The following ARHGAP24 variants were observed in gnomAD, a reference collection of about 807,000 sequenced individuals.
ARHGAP24 encodes the protein rho GTPase-activating protein 24.
In ARHGAP24, 50 loss-of-function variants were observed where a neutral mutation model predicts 76.4. The observed-to-expected ratio is 0.65, with a 90% confidence interval of 0.52 to 0.83. ARHGAP24 has a LOEUF of 0.83. Ranked by LOEUF, ARHGAP24 falls within the 40% of genes least tolerant of loss-of-function variation. The pLI is 0.00. For missense variants in ARHGAP24, 930 were observed against 914.2 expected (o/e 1.02, Z -0.22); for synonymous variants, 345 against 323.3 (o/e 1.07, Z -0.72).
chr4:85,728,007 A>AT (rs1369551209), intron 3 of ARHGAP24, among the ~76,000 whole-genome samples: 1 of 151,520 alleles, frequency 6.6e-6, no homozygotes, highest in Non-Finnish European at 1.5e-5. Flanking sequence ...TGGAAACAAA[A>AT]TTAGGCCTTC....
intron 3 of ARHGAP24, among the ~76,000 whole-genome samples, chr4:85,745,131 G>A (rs1725976902): frequency 6.6e-6 from 1 of 151,888 alleles, no homozygotes; most frequent in South Asian, 2.1e-4. Flanking sequence ...ACGTGAAAAG[G>A]AGAGAAGCTT....
chr4:85,516,989 A>G (rs1288197719), intron 1 of ARHGAP24, among the ~76,000 whole-genome samples: 1 of 152,192 alleles, frequency 6.6e-6, no homozygotes, highest in South Asian at 2.1e-4. Context: ...GTTTTTCCTA[A>G]TAGCTTTCCA....
chr4:85,895,677 C>G (rs7692989), intron 3 of ARHGAP24, among the ~76,000 whole-genome samples: 2 of 151,836 alleles, frequency 1.3e-5, no homozygotes, highest in South Asian at 4.2e-4. Context: ...TTTCTGTACC[C>G]TTTTTGAAAT....
chr4:85,930,087 G>C (rs1736241280), intron 4 of ARHGAP24, among the ~76,000 whole-genome samples: 1 of 152,176 alleles, frequency 6.6e-6, no homozygotes, highest in South Asian at 2.1e-4. Flanking sequence ...ACTGGAAGCA[G>C]CCGCAGCCAC....
intron 4 of ARHGAP24, among the ~76,000 whole-genome samples, chr4:85,936,137 G>A (rs913253659): frequency 2.3e-4 from 35 of 152,118 alleles, no homozygotes; most frequent in African/African-American, 7.5e-4. Context: ...GATTTATCCT[G>A]CTAGCAGAGT....
chr4:85,698,072 AG>A (rs1560590652), intron 2 of ARHGAP24, among the ~76,000 whole-genome samples: 1 of 152,196 alleles, frequency 6.6e-6, no homozygotes, highest in Non-Finnish European at 1.5e-5. Context: ...AGAAGTGGGA[AG>A]GAAGACTAGC....
chr4:85,875,118 T>C (rs193271893), intron 3 of ARHGAP24, among the ~76,000 whole-genome samples: 623 of 40,492 alleles, frequency 0.015, no homozygotes, highest in South Asian at 0.029. Context: ...TTATATATAA[T>C]ATATTTATCT....
chr4:85,500,163 G>A (rs1024813308), intron 1 of ARHGAP24, among the ~76,000 whole-genome samples: 1 of 152,098 alleles, frequency 6.6e-6, no homozygotes, highest in Non-Finnish European at 1.5e-5. Flanking sequence ...TTTAAAATAG[G>A]TTATTAAGAT....
At chr4:85,936,696 CAT>C (rs1384119196) in intron 4 of ARHGAP24, among the ~76,000 whole-genome samples, 1 of 152,060 alleles carries the variant, frequency 6.6e-6, no homozygotes, top group Non-Finnish European at 1.5e-5. Context: ...AATAAAGAAA[CAT>C]ATCAAGCTTT....
chr4:85,566,270 A>G (rs535379097), intron 1 of ARHGAP24, among the ~76,000 whole-genome samples: 28 of 152,324 alleles, frequency 1.8e-4, no homozygotes, highest in Admixed American at 6.5e-4. Context: ...CAGTGAAAGT[A>G]TTTTCCCAGC....
At chr4:85,756,326 T>C (rs944661683) in intron 3 of ARHGAP24, among the ~76,000 whole-genome samples, 1 of 152,230 alleles carries the variant, frequency 6.6e-6, no homozygotes, top group African/African-American at 2.4e-5. Flanking sequence ...GACATTATGA[T>C]CCATGCCTAA....
chr4:85,970,701 C>A (rs184175912), intron 5 of ARHGAP24, among the ~76,000 whole-genome samples: 145 of 152,216 alleles, frequency 9.5e-4, no homozygotes, highest in African/African-American at 3.2e-3. Context: ...GCCTGCCTCC[C>A]AACTTCTCAG....
At chr4:85,635,066 G>C (rs1721272822) in intron 2 of ARHGAP24, among the ~76,000 whole-genome samples, 1 of 151,786 alleles carries the variant, frequency 6.6e-6, no homozygotes. Flanking sequence ...CTGCTACCAA[G>C]ACCAATATAT....
At chr4:85,994,309 C>G (rs556641212) in intron 8 of ARHGAP24, among the ~76,000 whole-genome samples, 1 of 152,226 alleles carries the variant, frequency 6.6e-6, no homozygotes, top group South Asian at 2.1e-4. Flanking sequence ...GTTACTTAAC[C>G]TTTATAATAC....
chr4:85,714,291 C>T (rs1410804390), intron 2 of ARHGAP24, among the ~76,000 whole-genome samples: 1 of 152,128 alleles, frequency 6.6e-6, no homozygotes, highest in African/African-American at 2.4e-5. Flanking sequence ...ATATCAGGGA[C>T]ACTCAAAATA....
chr4:85,902,391 G>A (rs1447034594), intron 3 of ARHGAP24, among the ~76,000 whole-genome samples: 1 of 152,126 alleles, frequency 6.6e-6, no homozygotes, highest in Non-Finnish European at 1.5e-5. Flanking sequence ...TTTCCAAATG[G>A]TTGCATTGAG....
At chr4:85,524,213 C>T (rs113603210) in intron 1 of ARHGAP24, among the ~76,000 whole-genome samples, 21 of 152,254 alleles carry the variant, frequency 1.4e-4, no homozygotes, top group African/African-American at 4.3e-4. Flanking sequence ...CCTCCTCCAA[C>T]CCCACCATTC....
Position 85,579,675 on chromosome 4 carries a change from A to G in ARHGAP24, c.180+8954A>G, listed in dbSNP as rs1339961596. 3.9e-5 allele frequency among the ~76,000 whole-genome samples: 6 copies of G among 152,126 alleles called. No homozygotes were observed. In the East Asian group the frequency reaches 9.6e-4, roughly 24 times the overall value. On this transcript the variant is annotated intron_variant, in intron 2 of 9. Transcript: ENST00000395184. ...AGTGTTTTGATCACTTTTTATGTAC[A>G]AGGAAGCAATCCAGATACAAAAATT...
intron 3 of ARHGAP24, among the ~76,000 whole-genome samples, chr4:85,745,702 C>T: frequency 6.6e-6 from 1 of 151,946 alleles, no homozygotes; most frequent in East Asian, 1.9e-4. Flanking sequence ...AGTCCTTGAA[C>T]TTGTGAATAA....
Sources: allele counts gnomAD v4.1 joint callset (sites outside exome capture counted in the v4.1 genomes callset), GRCh38; gene constraint gnomAD v4.1.1; transcripts MANE v1.5; gene names NCBI Gene and HGNC (gene_info 2026-07-23, HGNC 2026-07-21).